Variants in OSBPL8 observed in about 807,000 individuals in gnomAD.
OSBPL8 encodes the protein oxysterol binding protein like 8, also known as oxysterol-binding protein-related protein 8.
A neutral mutation model predicts 125.5 loss-of-function variants in OSBPL8; 59 were observed. That is an observed-to-expected ratio of 0.47 (90% confidence interval 0.38 to 0.58). The LOEUF (loss-of-function observed/expected upper bound fraction) is 0.58, where lower values mean the gene tolerates loss of function less well. OSBPL8 is among the 20% of genes least tolerant of loss of function. OSBPL8 has a pLI of 0.00. For missense variants in OSBPL8, 758 were observed against 1,047.8 expected (o/e 0.72, Z 3.82); for synonymous variants, 330 against 338.9 (o/e 0.97, Z 0.29).
At chr12:76,543,175 A>G (rs1950692771) in intron 1 of OSBPL8, among the ~76,000 whole-genome samples, 1 of 152,076 alleles carries the variant, frequency 6.6e-6, no homozygotes, top group South Asian at 2.1e-4. Context: ...CCTAGCTCCT[A>G]CTGAATTTTC....
At position 76,351,931 on chromosome 12, in the gene OSBPL8, A is replaced by G. The variant is rs1313201967; in HGVS notation, c.*3958T>C. 1.3e-5 allele frequency: 2 copies of G among 152,252 alleles called. No individual in the cohort carries two copies. The highest frequency in any genetic ancestry group is 6.5e-5 in the Admixed American group (1 of 15,290). 9.4% of individuals were successfully genotyped at this position (152,252 alleles called of 1,614,324 possible). A position where few individuals can be genotyped will look rare whatever the true frequency, so the allele number is the denominator to read the frequency against. ...GAATAATAGATTAGAAATGTACTAC[A>G]TTACAAAACAGTGGCCTATAACTAT... On this transcript the variant is annotated 3_prime_UTR_variant, in exon 24 of 24. Coordinates refer to ENST00000261183, the MANE Select transcript of OSBPL8 (RefSeq NM_020841.5).
At chr12:76,556,609 T>C (rs1244415473) in intron 1 of OSBPL8, among the ~76,000 whole-genome samples, 1 of 152,164 alleles carries the variant, frequency 6.6e-6, no homozygotes, top group Non-Finnish European at 1.5e-5. Flanking sequence ...CTTCTACTAA[T>C]CTCCTTGTAC....
rs1951881650 is a variant in OSBPL8 at position 76,353,248 on chromosome 12, T to C, written c.*2641A>G. 1 of 151,170 alleles carries C rather than the reference T, an allele frequency of 6.6e-6. No individual in the cohort carries two copies. The highest frequency in any genetic ancestry group is 2.4e-5 in the African/African-American group (1 of 41,230). 9.4% of individuals were successfully genotyped at this position (151,170 alleles called of 1,614,324 possible). On this transcript the variant is annotated 3_prime_UTR_variant, in exon 24 of 24. Transcript: ENST00000261183. ...AAAAAGTACTAACATGAAATACAAA[T>C]AAAATATCTATTGCTGTAACTTAAC...
chr12:76,486,620 T>C (rs2137024067), intron 2 of OSBPL8, among the ~76,000 whole-genome samples: 2 of 152,304 alleles, frequency 1.3e-5, no homozygotes, highest in South Asian at 4.1e-4. Context: ...ATCCTACTAG[T>C]GATTTTGTTT....
At chr12:76,485,069 T>C (rs1406784110) in intron 2 of OSBPL8, among the ~76,000 whole-genome samples, 2 of 151,816 alleles carry the variant, frequency 1.3e-5, no homozygotes, top group Non-Finnish European at 2.9e-5. Context: ...TACAGGTGCC[T>C]GCCACCACGT....
chr12:76,533,953 G>A lies in OSBPL8; in HGVS notation c.-68+25444C>T, dbSNP rs188747233. 6.6e-5 allele frequency among the ~76,000 whole-genome samples: 10 copies of A among 152,110 alleles called. No homozygotes were observed. The East Asian group carries it at 1.4e-3, about 21-fold the overall frequency. ...TTAATCGGAAAGACCAAAAATACAC[G>A]TGAAATAAAACATTCATATATAATC... On this transcript the variant is annotated intron_variant, in intron 1 of 23. Coordinates refer to ENST00000261183, the MANE Select transcript of OSBPL8 (RefSeq NM_020841.5).
chr12:76,401,001 A>G (rs1433426147), intron 6 of OSBPL8, among the ~76,000 whole-genome samples: 1 of 151,802 alleles, frequency 6.6e-6, no homozygotes, highest in Non-Finnish European at 1.5e-5. Context: ...GTTGGCCAGA[A>G]TAGTCTTGAA....
chr12:76,401,570 G>C (rs1170576913), intron 6 of OSBPL8, among the ~76,000 whole-genome samples: 1 of 152,114 alleles, frequency 6.6e-6, no homozygotes, highest in Admixed American at 6.5e-5. Context: ...CACACATTTA[G>C]TAAATTGTAG....
chr12:76,501,079 ATGTG>A lies in OSBPL8; in HGVS notation c.-67-13465_-67-13462del, dbSNP rs898240438. Among the ~76,000 whole-genome samples, 306 of 138,668 alleles carry A rather than the reference ATGTG, an allele frequency of 2.2e-3. 1 individual carries two copies. The highest frequency in any genetic ancestry group is 9.4e-3 in the African/African-American group (289 of 30,648). 91.0% of individuals were successfully genotyped at this position (138,668 alleles called of 152,430 possible). A position where few individuals can be genotyped will look rare whatever the true frequency, so the allele number is the denominator to read the frequency against. ...TTGTAATTATTTATTGAGTAATTGT[ATGTG>A]TGTGTATCTTTACACACACACACAC... is the stretch of plus-strand genomic sequence containing the variant. On this transcript the variant is annotated intron_variant, in intron 1 of 23. Coordinates refer to ENST00000261183, the MANE Select transcript of OSBPL8 (RefSeq NM_020841.5).
At chr12:76,415,379 C>T (rs1868507407) in intron 4 of OSBPL8, among the ~76,000 whole-genome samples, 2 of 151,974 alleles carry the variant, frequency 1.3e-5, no homozygotes, top group Admixed American at 1.3e-4. Flanking sequence ...TCCTGAGTAG[C>T]TGGGATTACA....
In OSBPL8 at chr12:76,409,000, A is replaced by T. The variant is rs528517562; in HGVS notation, c.288+1564T>A. Among the ~76,000 whole-genome samples, 74 of 149,630 alleles carry T rather than the reference A, an allele frequency of 4.9e-4. 1 individual carries two copies. The South Asian group carries it at 5.5e-3, about 11-fold the overall frequency. On this transcript the variant is annotated intron_variant, in intron 5 of 23. Coordinates refer to ENST00000261183, the MANE Select transcript of OSBPL8 (RefSeq NM_020841.5). ...TTGCTTGAAAATAGATCTTTTTTTT[A>T]AAAAAAAAACTATAAATCTCATTGT...
intron 1 of OSBPL8, among the ~76,000 whole-genome samples, chr12:76,525,575 GT>G (rs1476598194): frequency 1.3e-5 from 2 of 152,018 alleles, no homozygotes; most frequent in African/African-American, 4.8e-5. Context: ...ACTTTAAAAC[GT>G]CTACTCTCAA....
intron 3 of OSBPL8, among the ~76,000 whole-genome samples, chr12:76,455,062 G>A (rs1384198909): frequency 4.1e-5 from 6 of 148,074 alleles, no homozygotes; most frequent in South Asian, 2.2e-4. Flanking sequence ...GTGAAACCTC[G>A]TCTCCACTAA....
chr12:76,397,710 G>C lies in OSBPL8; in HGVS notation c.656C>G (p.Ser219Cys). 2 of 1,613,956 alleles carry C rather than the reference G, an allele frequency of 1.2e-6. No homozygotes were observed. Among genetic ancestry groups the C allele is most frequent in the South Asian group, 1.1e-5 (1 of 91,068 alleles). ...CFKLFHPLEQSIWAVKGPKGE... is the reference protein window; with the variant it reads ...CFKLFHPLEQCIWAVKGPKGE... ...CTTACATACCTTCACTGCCCAAATAGATTGCTCCAAAGGATGGAAAAGTTT... is the reference window on the plus strand; with the variant it reads ...CTTACATACCTTCACTGCCCAAATACATTGCTCCAAAGGATGGAAAAGTTT... Residue 219 changes from serine to cysteine, a missense_variant, in exon 8 of 24, where the codon TCT becomes TGT. Physicochemically the swap from Ser to Cys is moderately radical, Grantham distance 112. Around this residue, in one of 3 missense-constraint regions of OSBPL8, gnomAD observed 69 missense variants for 148.7 expected, o/e 0.46. Coordinates refer to ENST00000261183, the MANE Select transcript of OSBPL8 (RefSeq NM_020841.5).
chr12:76,388,007 C>T (rs567376645), intron 12 of OSBPL8, among the ~76,000 whole-genome samples: 2 of 152,230 alleles, frequency 1.3e-5, no homozygotes, highest in South Asian at 4.1e-4. Flanking sequence ...AATAAACAGT[C>T]TTGCTTTTCT....
rs1203833902 is a variant in OSBPL8, at chr12:76,392,730, CA to C, written c.779del (p.Leu260TrpfsTer5). The C allele has an allele frequency of 6.2e-7, 1 of 1,613,448 alleles. No individual in the cohort carries two copies. The highest frequency in any genetic ancestry group is 1.1e-5 in the South Asian group (1 of 91,008). On this transcript the variant is annotated frameshift_variant, in exon 10 of 24. Coordinates refer to ENST00000261183, the MANE Select transcript of OSBPL8 (RefSeq NM_020841.5). LOFTEE classifies it high-confidence loss of function. ...ESDGRCWMDALELALKCSSLL... is the reference protein window; with the variant it reads ...ESDGRCWMDAXELALKCSSLL... Reference sequence around the variant, plus strand: ...GACTAGAACATTTCAAAGCCAACTCCAAAGCATCCATCCAGCACCTTCCTAA... The same window carrying C: ...GACTAGAACATTTCAAAGCCAACTCCAAGCATCCATCCAGCACCTTCCTAA...
intron 4 of OSBPL8, among the ~76,000 whole-genome samples, chr12:76,416,294 T>G (rs1369836246): frequency 6.6e-6 from 1 of 152,196 alleles, no homozygotes; most frequent in Non-Finnish European, 1.5e-5. Flanking sequence ...ATTTTAATAA[T>G]TTAAAATTTG....
intron 1 of OSBPL8, among the ~76,000 whole-genome samples, chr12:76,504,652 C>G (rs1165441555): frequency 6.6e-6 from 1 of 152,162 alleles, no homozygotes; most frequent in Non-Finnish European, 1.5e-5. Flanking sequence ...TGGGCATGGG[C>G]CAAGATAACT....
At chr12:76,392,072 G>T (rs535023037) in intron 10 of OSBPL8, among the ~76,000 whole-genome samples, 1 of 152,138 alleles carries the variant, frequency 6.6e-6, no homozygotes, top group Non-Finnish European at 1.5e-5. Context: ...AAATGCTTCA[G>T]GGAATAAAAC....
Sources: allele counts gnomAD v4.1 joint callset (sites outside exome capture counted in the v4.1 genomes callset), GRCh38; gene constraint gnomAD v4.1.1; regional missense constraint gnomAD v4.1.1; transcripts MANE v1.5; gene names NCBI Gene and HGNC (gene_info 2026-07-23, HGNC 2026-07-21).